Variants in MANBA observed in about 807,000 individuals in gnomAD.
MANBA encodes mannosidase beta.
Under a neutral mutation model 111.1 loss-of-function variants are expected in MANBA, and 83 were observed. The ratio of observed to expected loss-of-function variants is 0.75; its 90% CI spans 0.63 to 0.90. MANBA has a LOEUF of 0.90. MANBA is among the 40% of genes least tolerant of loss of function. MANBA has a pLI of 0.00. For missense variants in MANBA, 1,036 were observed against 1,069.0 expected, an observed-to-expected ratio of 0.97 and a Z score of 0.43; for synonymous variants, 370 against 378.7, an observed-to-expected ratio of 0.98 and a Z score of 0.27.
chr4:102,660,166 G>T (rs1358906814), intron 11 of MANBA, among the ~76,000 whole-genome samples: 1 of 152,062 alleles, frequency 6.6e-6, no homozygotes, highest in Non-Finnish European at 1.5e-5. Context: ...ATCTGACTAT[G>T]CTCCCTTTCT....
At position 102,760,853 on chromosome 4, in the gene MANBA, T is replaced by C. The variant is rs753125004; in HGVS notation, c.42A>G (p.Ala14=). 1 of 1,571,738 alleles carries C rather than the reference T, an allele frequency of 6.4e-7. No homozygotes were observed. The highest frequency in any genetic ancestry group is 2.3e-5 in the East Asian group (1 of 42,992). ...HLLLLLALCG[A]GTTAAELSYS... is the part of the protein sequence containing the mutation. ...AACTGAGCTCCGCGGCGGTGGTGCC[T>C]GCACCGCACAGCGCGAGCAGCAGGA... The change falls in exon 1 of 17, where the codon GCA becomes GCG. Residue 14 remains alanine (A), a synonymous_variant. Transcript: ENST00000647097.
intron 1 of MANBA, among the ~76,000 whole-genome samples, chr4:102,746,515 T>G (rs1464279701): frequency 6.6e-6 from 1 of 152,234 alleles, no homozygotes; most frequent in African/African-American, 2.4e-5. Flanking sequence ...CCAGCTTTAT[T>G]ATGTTCCTTG....
At chr4:102,653,839 T>C (rs1730445644) in intron 12 of MANBA, among the ~76,000 whole-genome samples, 1 of 152,160 alleles carries the variant, frequency 6.6e-6, no homozygotes, top group South Asian at 2.1e-4. Flanking sequence ...CTAATCTTTC[T>C]AAAGCGTGGT....
chr4:102,684,149 G>T (rs1303187146), intron 7 of MANBA, among the ~76,000 whole-genome samples: 2 of 152,024 alleles, frequency 1.3e-5, no homozygotes, highest in African/African-American at 4.8e-5. Flanking sequence ...AAGCTCAGTG[G>T]AAGAGGAGAG....
intron 1 of MANBA, chr4:102,728,779 C>T: frequency 1.1e-6 from 1 of 945,362 alleles, no homozygotes. Flanking sequence ...ACTAGGACAC[C>T]AGCCTCCCAT....
chr4:102,692,408 C>A (rs1015783549), intron 5 of MANBA, among the ~76,000 whole-genome samples: 2 of 152,076 alleles, frequency 1.3e-5, no homozygotes, highest in African/African-American at 2.4e-5. Flanking sequence ...GTTTTATATA[C>A]GCGCAGTATG....
intron 5 of MANBA, among the ~76,000 whole-genome samples, chr4:102,704,800 C>T (rs1733225573): frequency 6.6e-6 from 1 of 152,010 alleles, no homozygotes; most frequent in Admixed American, 6.5e-5. Flanking sequence ...TGAGCTTACA[C>T]TCTAATTTTA....
chr4:102,722,837 A>G, intron 4 of MANBA, 34 bp downstream of exon 4: 1 of 1,607,224 alleles, frequency 6.2e-7, no homozygotes, highest in Middle Eastern at 1.7e-4. Context: ...CCCGTCCTCA[A>G]AAATAAAACC....
At position 102,676,666 on chromosome 4, in the gene MANBA, T is replaced by C. The variant is rs182734102; in HGVS notation, c.961-2596A>G. Among the ~76,000 whole-genome samples, 4 of 151,846 alleles carry C rather than the reference T, an allele frequency of 2.6e-5. No individual in the cohort carries two copies. In the East Asian group the frequency reaches 7.7e-4, roughly 29 times the overall value. ...TTGCCAGTTTGCCTGTATTTGTCTG[T>C]TATCAGCACGATAAATCATCAAAAA... is the stretch of plus-strand genomic sequence containing the variant. On this transcript the variant is annotated intron_variant, in intron 7 of 16. Transcript: ENST00000647097.
At chr4:102,719,121 G>A (rs577683576) in intron 4 of MANBA, among the ~76,000 whole-genome samples, 3 of 152,274 alleles carry the variant, frequency 2.0e-5, no homozygotes, top group South Asian at 2.1e-4. Context: ...GGGTACTGCA[G>A]GAGACCAGGG....
At chr4:102,692,718 G>A (rs1732538131) in intron 5 of MANBA, among the ~76,000 whole-genome samples, 2 of 152,162 alleles carry the variant, frequency 1.3e-5, no homozygotes, top group South Asian at 4.2e-4. Flanking sequence ...TATGATTCGT[G>A]GCAAAGTATG....
chr4:102,756,027 G>C (rs1723997595), intron 1 of MANBA, among the ~76,000 whole-genome samples: 1 of 152,164 alleles, frequency 6.6e-6, no homozygotes, highest in East Asian at 1.9e-4. Flanking sequence ...CTGTTGGTGG[G>C]ACTATAAACT....
rs56345161 is a variant in MANBA, at chr4:102,716,309, C to CAA, written c.550-1750_550-1749dup. ...GGGCAACAAGAGTGAAACTCAGTCT[C>CAA]AAAAAAAAAAAAAAAAAAAAAAAAA... On this transcript the variant is annotated intron_variant, in intron 4 of 16. Coordinates refer to ENST00000647097, the MANE Select transcript of MANBA (RefSeq NM_005908.4). Among the ~76,000 whole-genome samples, 54 of 39,102 alleles carry CAA rather than the reference C, an allele frequency of 1.4e-3. 3 individuals carry two copies. The highest frequency in any genetic ancestry group is 7.7e-3 in the East Asian group (8 of 1,034). 25.7% of individuals were successfully genotyped at this position (39,102 alleles called of 152,430 possible). A position where few individuals can be genotyped will look rare whatever the true frequency, so the allele number is the denominator to read the frequency against.
intron 4 of MANBA, among the ~76,000 whole-genome samples, chr4:102,718,964 C>T (rs1056479472): frequency 6.6e-6 from 1 of 152,102 alleles, no homozygotes; most frequent in African/African-American, 2.4e-5. Context: ...CAAGGCAAGG[C>T]AAAATTAGAA....
intron 5 of MANBA, among the ~76,000 whole-genome samples, chr4:102,704,883 A>G (rs543405261): frequency 6.6e-6 from 1 of 152,362 alleles, no homozygotes; most frequent in South Asian, 2.1e-4. Context: ...ACATGCACAA[A>G]GCACATCTTC....
chr4:102,720,791 G>A (rs924657901), intron 4 of MANBA, among the ~76,000 whole-genome samples: 5 of 152,160 alleles, frequency 3.3e-5, no homozygotes, highest in African/African-American at 9.7e-5. Context: ...TGTTATTACA[G>A]TAATTTGAAC....
chr4:102,711,573 T>C (rs3974632), intron 5 of MANBA, among the ~76,000 whole-genome samples: 5,136 of 151,988 alleles, frequency 0.034, 206 homozygotes, highest in African/African-American at 0.099. Context: ...AATAGTAGAG[T>C]CATTACCATA....
intron 1 of MANBA, among the ~76,000 whole-genome samples, chr4:102,759,581 AACTACTAAGTAC>A (rs1270267875): frequency 6.6e-6 from 1 of 151,942 alleles, no homozygotes; most frequent in African/African-American, 2.4e-5. Flanking sequence ...AAAAAAAAAA[AACTACTAAGTAC>A]CAGGTCAGAA....
At chr4:102,661,743 A>G (rs141143195) in intron 11 of MANBA, among the ~76,000 whole-genome samples, 45 of 152,332 alleles carry the variant, frequency 3.0e-4, no homozygotes, top group Non-Finnish European at 5.3e-4. Flanking sequence ...TTTATTCTTG[A>G]GGTGTGGTTA....
Sources: gnomAD v4.1 joint callset for allele counts (sites outside exome capture counted in the v4.1 genomes callset) on GRCh38, gnomAD v4.1.1 for gene constraint, MANE v1.5 for transcripts, NCBI Gene and HGNC (gene_info 2026-07-23, HGNC 2026-07-21) for gene names.